The following TBC1D4 variants were observed in gnomAD, a reference collection of about 807,000 sequenced individuals.
The protein encoded by TBC1D4 is TBC (Tre-2, BUB2, CDC16) domain-containing protein.
Under a neutral mutation model 142.5 loss-of-function variants are expected in TBC1D4, and 121 were observed. The observed-to-expected ratio is 0.85, with a 90% confidence interval of 0.73 to 0.99. TBC1D4 has a LOEUF of 0.99. Ranked by LOEUF, TBC1D4 falls within the 50% of genes least tolerant of loss-of-function variation. The pLI is 0.00. For missense variants in TBC1D4, 1,475 were observed against 1,606.6 expected (o/e 0.92, Z 1.40); for synonymous variants, 630 against 628.2 (o/e 1.00, Z -0.04).
intron 1 of TBC1D4, among the ~76,000 whole-genome samples, chr13:75,378,164 T>G (rs1258140959): frequency 6.6e-6 from 1 of 152,198 alleles, no homozygotes; most frequent in Admixed American, 6.5e-5. Context: ...TACCAGCTTA[T>G]GTAATAAACG....
chr13:75,402,519 A>G (rs1885143084), intron 1 of TBC1D4, among the ~76,000 whole-genome samples: 1 of 152,196 alleles, frequency 6.6e-6, no homozygotes, highest in South Asian at 2.1e-4. Flanking sequence ...AGGATAAGAA[A>G]TTTTAAGTTG....
At chr13:75,299,293 A>G (rs377283971) in intron 17 of TBC1D4, 37 bp downstream of exon 17, 330 of 1,612,946 alleles carry the variant, frequency 2.0e-4, no homozygotes, top group Non-Finnish European at 2.7e-4. Flanking sequence ...TTCTGGTAAT[A>G]GTCTCACACC....
chr13:75,410,029 A>T (rs1885552364), intron 1 of TBC1D4, among the ~76,000 whole-genome samples: 1 of 152,208 alleles, frequency 6.6e-6, no homozygotes, highest in Non-Finnish European at 1.5e-5. Context: ...CAAATTTGCC[A>T]CTTACCTTAA....
In TBC1D4 at chr13:75,285,178, AG is replaced by A. The variant is rs1274942246; in HGVS notation, c.*1613del. On this transcript the variant is annotated 3_prime_UTR_variant, in exon 21 of 21. Transcript: ENST00000377636. ...TCTTTTAAGAAACTGTATGGATTCA[AG>A]GGCACACTGAGCTATAACAAGTCAT... The A allele has an allele frequency of 6.6e-6, 1 of 152,162 alleles. No individual in the cohort carries two copies. The highest frequency in any genetic ancestry group is 2.4e-5 in the African/African-American group (1 of 41,418). The allele number at this position is 152,162 out of a possible 1,614,324, so 9.4% of individuals were successfully genotyped here. A position where few individuals can be genotyped will look rare whatever the true frequency, so the allele number is the denominator to read the frequency against.
intron 20 of TBC1D4, among the ~76,000 whole-genome samples, chr13:75,288,396 T>C (rs1351614438): frequency 6.6e-6 from 1 of 152,154 alleles, no homozygotes; most frequent in East Asian, 1.9e-4. Flanking sequence ...TTGACAGGAT[T>C]AAAGCCATGT....
chr13:75,382,449 A>G (rs1193287035), intron 1 of TBC1D4, among the ~76,000 whole-genome samples: 2 of 152,158 alleles, frequency 1.3e-5, no homozygotes, highest in Non-Finnish European at 2.9e-5. Context: ...CTGCCTACAA[A>G]ACTTTCTTTT....
At chr13:75,321,979 G>A (rs1188183078) in intron 11 of TBC1D4, among the ~76,000 whole-genome samples, 1 of 152,182 alleles carries the variant, frequency 6.6e-6, no homozygotes, top group African/African-American at 2.4e-5. Context: ...TCAAAGCCAA[G>A]CACCACTAAT....
intron 1 of TBC1D4, among the ~76,000 whole-genome samples, chr13:75,412,474 T>A (rs1285207937): frequency 1.3e-5 from 2 of 152,016 alleles, no homozygotes; most frequent in Non-Finnish European, 2.9e-5. Flanking sequence ...ATTTTTTTTA[T>A]TTTTTATTTT....
At chr13:75,328,251 C>T (rs913938678) in intron 8 of TBC1D4, among the ~76,000 whole-genome samples, 1 of 152,162 alleles carries the variant, frequency 6.6e-6, no homozygotes, top group Non-Finnish European at 1.5e-5. Context: ...TTATAATAAA[C>T]ATCAGTTAAA....
At chr13:75,424,765 G>A (rs747663589) in intron 1 of TBC1D4, among the ~76,000 whole-genome samples, 4 of 152,176 alleles carry the variant, frequency 2.6e-5, no homozygotes, top group Non-Finnish European at 5.9e-5. Context: ...TAATGGGAAT[G>A]GATAGCCTCT....
At chr13:75,464,113 A>G (rs1244325119) in intron 1 of TBC1D4, among the ~76,000 whole-genome samples, 1 of 152,238 alleles carries the variant, frequency 6.6e-6, no homozygotes, top group East Asian at 1.9e-4. Context: ...TGAAATAATT[A>G]TAACAGTTCC....
At chr13:75,440,393 T>G (rs1593887666) in intron 1 of TBC1D4, among the ~76,000 whole-genome samples, 1 of 151,828 alleles carries the variant, frequency 6.6e-6, no homozygotes, top group East Asian at 1.9e-4. Context: ...AGGAGGGTTT[T>G]AAGCAGTGAA....
At chr13:75,476,887 C>A (rs1045694502) in intron 1 of TBC1D4, among the ~76,000 whole-genome samples, 7 of 152,182 alleles carry the variant, frequency 4.6e-5, no homozygotes, top group African/African-American at 1.4e-4. Flanking sequence ...GTAATTCTGA[C>A]ACACACACTG....
Position 75,312,414 on chromosome 13 carries a change from G to A in TBC1D4, c.2383+324C>T, listed in dbSNP as rs1275660378. Among the ~76,000 whole-genome samples the A allele has an allele frequency of 7.0e-5, 8 of 114,768 alleles. No individual in the cohort carries two copies. In the South Asian group the frequency reaches 3.0e-3, roughly 42 times the overall value. 75.3% of individuals were successfully genotyped at this position (114,768 alleles called of 152,430 possible). On this transcript the variant is annotated intron_variant, in intron 13 of 20. Coordinates refer to ENST00000377636, the MANE Select transcript of TBC1D4 (RefSeq NM_014832.5). ...GGCAACAGAGCAAGGCCCAATCTCT[G>A]GGAAAAAAAAAAAGAAAGAAAGAAA...
At chr13:75,348,352 C>A (rs1046566776) in intron 5 of TBC1D4, among the ~76,000 whole-genome samples, 1 of 152,174 alleles carries the variant, frequency 6.6e-6, no homozygotes, top group Non-Finnish European at 1.5e-5. Context: ...TAACACCTAT[C>A]ATAATGAATT....
chr13:75,373,460 G>A (rs1883324125), intron 1 of TBC1D4, among the ~76,000 whole-genome samples: 1 of 152,132 alleles, frequency 6.6e-6, no homozygotes, highest in Non-Finnish European at 1.5e-5. Context: ...TCCAAAATTA[G>A]GCTAGAAGGA....
chr13:75,329,883 G>A (rs1370448903), intron 8 of TBC1D4, among the ~76,000 whole-genome samples: 7 of 152,176 alleles, frequency 4.6e-5, no homozygotes, highest in Non-Finnish European at 1.0e-4. Context: ...TCTAGAGCCT[G>A]TGTGTCTGAC....
At chr13:75,290,991 T>C (rs777300945) in intron 19 of TBC1D4, among the ~76,000 whole-genome samples, 5 of 152,268 alleles carry the variant, frequency 3.3e-5, no homozygotes, top group East Asian at 1.9e-4. Flanking sequence ...TAAAGCATAA[T>C]TGTCAAATCT....
At position 75,326,203 on chromosome 13, in the gene TBC1D4, T is replaced by C; in HGVS notation, c.2027A>G (p.Gln676Arg). The C allele has an allele frequency of 6.2e-7, 1 of 1,614,196 alleles. No individual in the cohort carries two copies. Residue 676 changes from glutamine (Q) to arginine (R), a missense_variant, in exon 10 of 21, where the codon CAG becomes CGG. This residue lies in a region of TBC1D4 where 1,227 missense variants were observed against 1,267.7 expected (regional missense o/e 0.97). Transcript: ENST00000377636. ...TGGAGAGGGTCAGACTCACCTGCAC[T>C]GTTCACTGGAGCTCTGCCTCAGCAG... ...SPLLRQSSSE[Q>R]CSNLSSVRRM... is the part of the protein sequence containing the mutation.
Sources: allele counts gnomAD v4.1 joint callset (sites outside exome capture counted in the v4.1 genomes callset), GRCh38; gene constraint gnomAD v4.1.1; regional missense constraint gnomAD v4.1.1; transcripts MANE v1.5; gene names NCBI Gene and HGNC (gene_info 2026-07-23, HGNC 2026-07-21).